Variants in CDH13 observed in about 807,000 individuals in gnomAD.
The protein encoded by CDH13 is cadherin 13, also known as cadherin-13.
In CDH13, 24 loss-of-function variants were observed where a neutral mutation model predicts 63.8. The ratio of observed to expected loss-of-function variants is 0.38; its 90% CI spans 0.27 to 0.53. The LOEUF is 0.53. Among genes scored for constraint, CDH13 ranks in the 20% least tolerant of loss-of-function variants. The probability of loss-of-function intolerance (pLI) is 0.85; values close to 1 mark genes in which losing one functional copy is unlikely to be tolerated. For synonymous variants in CDH13, 503 were observed against 355.3 expected, an observed-to-expected ratio of 1.42 and a Z score of -4.67; for missense variants, 1,049 against 903.1, an observed-to-expected ratio of 1.16 and a Z score of -2.07.
At chr16:83,714,095 G>T (rs372692627) in intron 10 of CDH13, among the ~76,000 whole-genome samples, 13 of 152,280 alleles carry the variant, frequency 8.5e-5, no homozygotes, top group South Asian at 6.2e-4. Flanking sequence ...GTGGAGGGGG[G>T]GCTGCCCTAC....
chr16:82,669,906 C>G (rs1913037640), intron 1 of CDH13, among the ~76,000 whole-genome samples: 2 of 152,210 alleles, frequency 1.3e-5, no homozygotes, highest in South Asian at 4.1e-4. Context: ...GCCCCATTGG[C>G]AGAGATGTAG....
intron 1 of CDH13, among the ~76,000 whole-genome samples, chr16:82,738,271 C>A (rs540590277): frequency 2.6e-5 from 4 of 152,286 alleles, no homozygotes; most frequent in Non-Finnish European, 4.4e-5. Context: ...AACTGCATGG[C>A]CAATATGTTA....
chr16:83,503,792 G>A (rs2151590836), intron 7 of CDH13, among the ~76,000 whole-genome samples: 1 of 151,902 alleles, frequency 6.6e-6, no homozygotes, highest in African/African-American at 2.4e-5. Context: ...CTAGATATAA[G>A]ACCTTTGCCA....
At chr16:82,869,441 A>G (rs2040268674) in intron 2 of CDH13, among the ~76,000 whole-genome samples, 1 of 152,002 alleles carries the variant, frequency 6.6e-6, no homozygotes, top group Non-Finnish European at 1.5e-5. Flanking sequence ...CTTTATCCTT[A>G]TTAAAATACC....
intron 6 of CDH13, among the ~76,000 whole-genome samples, chr16:83,391,802 G>A (rs879775089): frequency 5.3e-5 from 8 of 152,176 alleles, no homozygotes; most frequent in Non-Finnish European, 1.2e-4. Flanking sequence ...CAAAAAACAA[G>A]ATCACCTCTT....
At chr16:83,055,418 C>G (rs547262892) in intron 3 of CDH13, among the ~76,000 whole-genome samples, 1 of 150,826 alleles carries the variant, frequency 6.6e-6, no homozygotes, top group Non-Finnish European at 1.5e-5. Flanking sequence ...GCTAATTAAA[C>G]AAATGGAGAC....
In CDH13 at chr16:83,424,890, G is replaced by C. The variant is rs565280543; in HGVS notation, c.782-61587G>C. On this transcript the variant is annotated intron_variant, in intron 6 of 13. Coordinates refer to ENST00000567109, the MANE Select transcript of CDH13 (RefSeq NM_001257.5). ...ACAGCCCTACACTCACACAGACAAAGATTTACACACAAGTAAGGATTTGGC... is the reference window on the plus strand; with the variant it reads ...ACAGCCCTACACTCACACAGACAAACATTTACACACAAGTAAGGATTTGGC... 3.5e-4 allele frequency among the ~76,000 whole-genome samples: 53 copies of C among 152,268 alleles called. 1 individual carries two copies. The highest frequency in any genetic ancestry group is 1.0e-3 in the South Asian group (5 of 4,822).
chr16:82,751,988 A>G (rs1282141875), intron 1 of CDH13, among the ~76,000 whole-genome samples: 1 of 152,204 alleles, frequency 6.6e-6, no homozygotes, highest in Non-Finnish European at 1.5e-5. Context: ...AACGCCAACA[A>G]ACAATGACCA....
intron 7 of CDH13, among the ~76,000 whole-genome samples, chr16:83,512,781 G>T (rs2074603790): frequency 6.6e-6 from 1 of 152,124 alleles, no homozygotes; most frequent in Non-Finnish European, 1.5e-5. Flanking sequence ...GTGTGGACTA[G>T]AAGTAGCCAC....
intron 1 of CDH13, among the ~76,000 whole-genome samples, chr16:82,733,661 C>G (rs979973496): frequency 1.3e-5 from 2 of 152,200 alleles, no homozygotes; most frequent in South Asian, 2.1e-4. Context: ...ACAGACCCAA[C>G]AGGTGACTGA....
intron 3 of CDH13, among the ~76,000 whole-genome samples, chr16:83,042,686 T>G (rs1405702424): frequency 2.0e-5 from 3 of 152,202 alleles, no homozygotes; most frequent in African/African-American, 7.2e-5. Context: ...GGACTGCTGC[T>G]CTAAATAATT....
chr16:83,743,599 T>C (rs1912258949), intron 10 of CDH13, among the ~76,000 whole-genome samples: 1 of 152,160 alleles, frequency 6.6e-6, no homozygotes, highest in African/African-American at 2.4e-5. Flanking sequence ...AATTCAGTTT[T>C]TATTTATCTT....
At chr16:83,304,786 C>T (rs1311884973) in intron 5 of CDH13, among the ~76,000 whole-genome samples, 1 of 152,080 alleles carries the variant, frequency 6.6e-6, no homozygotes, top group East Asian at 1.9e-4. Flanking sequence ...CATGTAATAA[C>T]CTTGGTGAAG....
At chr16:82,656,918 CTT>C (rs200722234) in intron 1 of CDH13, among the ~76,000 whole-genome samples, 28,613 of 130,782 alleles carry the variant, frequency 0.22, 3,091 homozygotes, top group African/African-American at 0.31. Context: ...TTTGGTAGCT[CTT>C]TTTTTTTTTT....
At chr16:83,053,303 G>C (rs960127386) in intron 3 of CDH13, among the ~76,000 whole-genome samples, 1 of 152,056 alleles carries the variant, frequency 6.6e-6, no homozygotes, top group Non-Finnish European at 1.5e-5. Context: ...ATTAGGTCTC[G>C]GGAGGTGTCA....
At chr16:83,428,139 G>A (rs1367559031) in intron 6 of CDH13, among the ~76,000 whole-genome samples, 3 of 152,298 alleles carry the variant, frequency 2.0e-5, no homozygotes, top group Admixed American at 1.3e-4. Context: ...TGAATAGGGG[G>A]AAATGGCACC....
chr16:83,078,882 C>T (rs1388295166), intron 3 of CDH13, among the ~76,000 whole-genome samples: 1 of 152,170 alleles, frequency 6.6e-6, no homozygotes, highest in African/African-American at 2.4e-5. Flanking sequence ...GCAACCTCCG[C>T]CTCCCAGGTT....
chr16:83,099,475 C>T (rs894785216), intron 3 of CDH13, among the ~76,000 whole-genome samples: 1 of 151,498 alleles, frequency 6.6e-6, no homozygotes, highest in Non-Finnish European at 1.5e-5. Context: ...AGGCACCTGG[C>T]ACCATGCCTG....
chr16:83,275,225 C>G (rs1597642323), intron 5 of CDH13, among the ~76,000 whole-genome samples: 3 of 152,298 alleles, frequency 2.0e-5, no homozygotes, highest in South Asian at 2.1e-4. Context: ...AGGAGAGATG[C>G]TGGGCCACAT....
Sources: allele counts gnomAD v4.1 joint callset (sites outside exome capture counted in the v4.1 genomes callset), GRCh38; gene constraint gnomAD v4.1.1; transcripts MANE v1.5; gene names NCBI Gene and HGNC (gene_info 2026-07-23, HGNC 2026-07-21).